The following CSMD3 variants were observed in gnomAD, a reference collection of about 807,000 sequenced individuals.
The protein encoded by CSMD3 is CUB and sushi domain-containing protein 3.
A neutral mutation model predicts 435.2 loss-of-function variants in CSMD3; 177 were observed. That is an observed-to-expected ratio of 0.41 (90% CI 0.36 to 0.46). CSMD3 has a LOEUF of 0.46. CSMD3 is among the 20% of genes least tolerant of loss of function. The pLI, the probability that CSMD3 is intolerant of heterozygous loss-of-function variation, is 0.34. For missense variants in CSMD3, 4,265 were observed against 4,504.6 expected, an observed-to-expected ratio of 0.95 and a Z score of 1.52; for synonymous variants, 1,656 against 1,520.5, an observed-to-expected ratio of 1.09 and a Z score of -2.07.
rs772127285 is a variant in CSMD3 at position 112,314,487 on chromosome 8, G to A, written c.7491C>T (p.Thr2497=). 2.5e-6 allele frequency: 4 copies of A among 1,612,284 alleles called. No homozygotes were observed. Among genetic ancestry groups the A allele is most frequent in the South Asian group, 2.2e-5 (2 of 91,050 alleles). ...SISVEKGYNI[T]MFVEFFQTEK... ...CTGTCTGGAAGAATTCTACAAACAT[G>A]GTGATATTATAACCCTTTTCCACTG... Residue 2497 remains threonine (T), a synonymous_variant, in exon 48 of 71, where the codon ACC becomes ACT. Coordinates refer to ENST00000297405, the MANE Select transcript of CSMD3 (RefSeq NM_198123.2).
intron 7 of CSMD3, among the ~76,000 whole-genome samples, chr8:112,970,303 T>A (rs1259110540): frequency 6.8e-6 from 1 of 147,060 alleles, no homozygotes. Context: ...AATATTAACT[T>A]AAATATGGCA....
intron 10 of CSMD3, among the ~76,000 whole-genome samples, chr8:112,876,460 G>A (rs189859944): frequency 7.2e-5 from 11 of 152,230 alleles, no homozygotes; most frequent in African/African-American, 2.6e-4. Flanking sequence ...AAATCCAGCA[G>A]CGTTATCAAA....
chr8:112,348,088 G>A (rs1297224335), intron 40 of CSMD3, among the ~76,000 whole-genome samples: 1 of 152,106 alleles, frequency 6.6e-6, no homozygotes, highest in Non-Finnish European at 1.5e-5. Context: ...AACAACAGAA[G>A]AAAAACAATG....
intron 11 of CSMD3, among the ~76,000 whole-genome samples, chr8:112,849,764 A>C (rs1011281044): frequency 1.3e-5 from 2 of 151,952 alleles, no homozygotes; most frequent in South Asian, 4.2e-4. Flanking sequence ...ACAGAAAACC[A>C]TTTTGACTGG....
At chr8:112,693,732 G>A (rs1299548897) in intron 13 of CSMD3, among the ~76,000 whole-genome samples, 1 of 151,296 alleles carries the variant, frequency 6.6e-6, no homozygotes, top group Non-Finnish European at 1.5e-5. Context: ...CCTTTAAAAT[G>A]TTGTTTATTA....
chr8:113,364,253 T>TC (rs1176293057), intron 1 of CSMD3, among the ~76,000 whole-genome samples: 3 of 146,516 alleles, frequency 2.0e-5, no homozygotes, highest in Non-Finnish European at 4.5e-5. Context: ...AATTTTTTTT[T>TC]TTTTTAAAAA....
intron 7 of CSMD3, among the ~76,000 whole-genome samples, chr8:112,970,725 C>CTT (rs761315288): frequency 1.1e-4 from 15 of 138,678 alleles, no homozygotes; most frequent in Admixed American, 3.6e-4. Flanking sequence ...GCTTTCTTTT[C>CTT]TTTTTTTTTT....
At chr8:112,553,610 T>C (rs1174036612) in intron 25 of CSMD3, among the ~76,000 whole-genome samples, 1 of 152,072 alleles carries the variant, frequency 6.6e-6, no homozygotes, top group Non-Finnish European at 1.5e-5. Context: ...CCCTTATGGC[T>C]TTCCCAGCTC....
chr8:112,747,879 C>A (rs926248938), intron 13 of CSMD3, among the ~76,000 whole-genome samples: 1 of 146,808 alleles, frequency 6.8e-6, no homozygotes, highest in African/African-American at 2.5e-5. Context: ...AGGAGAATGG[C>A]GTGAACCCGG....
chr8:112,468,012 T>G (rs1818128272), intron 32 of CSMD3, among the ~76,000 whole-genome samples: 1 of 152,112 alleles, frequency 6.6e-6, no homozygotes, highest in South Asian at 2.1e-4. Flanking sequence ...ACATCCTCTT[T>G]TACAGATAAT....
chr8:113,213,702 C>A (rs2092867172), intron 3 of CSMD3, among the ~76,000 whole-genome samples: 1 of 151,940 alleles, frequency 6.6e-6, no homozygotes, highest in Non-Finnish European at 1.5e-5. Context: ...AAAACTATTA[C>A]AATGATTTTA....
intron 23 of CSMD3, among the ~76,000 whole-genome samples, chr8:112,580,240 A>G (rs1830242113): frequency 6.6e-6 from 1 of 152,056 alleles, no homozygotes; most frequent in African/African-American, 2.4e-5. Flanking sequence ...TAATTAGATT[A>G]CATATTTACA....
intron 7 of CSMD3, among the ~76,000 whole-genome samples, chr8:112,964,349 T>A (rs1454653090): frequency 6.6e-6 from 1 of 152,048 alleles, no homozygotes; most frequent in South Asian, 2.1e-4. Flanking sequence ...TTAATTTTGA[T>A]ATAAAATTTT....
Position 113,407,066 on chromosome 8 carries a change from A to T in CSMD3, c.178+29611T>A, listed in dbSNP as rs1405085074. On this transcript the variant is annotated intron_variant, in intron 1 of 70. Coordinates refer to ENST00000297405, the MANE Select transcript of CSMD3 (RefSeq NM_198123.2). Reference sequence around the variant, plus strand: ...TACAAAAGTTAGAAGAGGTAGCTACATAAAAATTTAGTAAGAACTATACAA... The same window carrying T: ...TACAAAAGTTAGAAGAGGTAGCTACTTAAAAATTTAGTAAGAACTATACAA... Among the ~76,000 whole-genome samples, 8 of 152,182 alleles carry T rather than the reference A, an allele frequency of 5.3e-5. No homozygotes were observed. The East Asian group carries it at 1.3e-3, about 26-fold the overall frequency.
At chr8:113,037,190 T>C (rs565151362) in intron 5 of CSMD3, among the ~76,000 whole-genome samples, 1 of 152,252 alleles carries the variant, frequency 6.6e-6, no homozygotes, top group African/African-American at 2.4e-5. Flanking sequence ...TTACAATTTG[T>C]AGTGACATAA....
chr8:113,388,260 A>G (rs1317652518), intron 1 of CSMD3, among the ~76,000 whole-genome samples: 1 of 151,630 alleles, frequency 6.6e-6, no homozygotes, highest in Admixed American at 6.6e-5. Flanking sequence ...CATGAAAAAT[A>G]GTATCAGCAT....
intron 4 of CSMD3, among the ~76,000 whole-genome samples, chr8:113,144,914 AT>A (rs1487050952): frequency 1.3e-5 from 2 of 151,686 alleles, no homozygotes; most frequent in Non-Finnish European, 2.9e-5. Flanking sequence ...GTGAGAAACA[AT>A]AAAACTGGAG....
intron 11 of CSMD3, among the ~76,000 whole-genome samples, chr8:112,837,394 G>A (rs2080057487): frequency 6.6e-6 from 1 of 151,774 alleles, no homozygotes; most frequent in South Asian, 2.1e-4. Context: ...ATACTCATTA[G>A]TGAGACAGGA....
chr8:113,053,242 G>A (rs1027200832), intron 5 of CSMD3, among the ~76,000 whole-genome samples: 1 of 152,056 alleles, frequency 6.6e-6, no homozygotes, highest in African/African-American at 2.4e-5. Flanking sequence ...GTTCTTCCTA[G>A]CTACAGAAAG....
Sources: allele counts gnomAD v4.1 joint callset (sites outside exome capture counted in the v4.1 genomes callset), GRCh38; gene constraint gnomAD v4.1.1; transcripts MANE v1.5; gene names NCBI Gene and HGNC (gene_info 2026-07-23, HGNC 2026-07-21).